VPS26B: variants seen among roughly 807,000 people sequenced by gnomAD.
VPS26B encodes the protein vacuolar protein sorting-associated protein 26B.
In VPS26B, 10 loss-of-function variants were observed where a neutral mutation model predicts 33.3. The observed-to-expected ratio is 0.30, with a 90% CI of 0.19 to 0.51. The LOEUF is 0.51. Among genes scored for constraint, VPS26B ranks in the 20% least tolerant of loss-of-function variants. VPS26B has a pLI of 0.98. For missense variants in VPS26B, 317 were observed against 452.7 expected, an observed-to-expected ratio of 0.70 and a Z score of 2.72; for synonymous variants, 190 against 176.9, an observed-to-expected ratio of 1.07 and a Z score of -0.59.
In VPS26B at chr11:134,247,412, A is replaced by G. The variant is rs1184731907; in HGVS notation, c.*1822A>G. 6.6e-6 allele frequency: 1 copy of G among 152,168 alleles called. No homozygotes were observed. Among genetic ancestry groups the G allele is most frequent in the Non-Finnish European group, 1.5e-5 (1 of 68,040 alleles). 9.4% of individuals were successfully genotyped at this position (152,168 alleles called of 1,614,324 possible). On this transcript the variant is annotated 3_prime_UTR_variant, in exon 6 of 6. Transcript: ENST00000281187. ...GCCTCCCAACTGACAACACACGTTC[A>G]TTTTCCAACCTTCCTAACATCTTAA...
In VPS26B at chr11:134,236,899, A is replaced by G. The variant is rs567302589; in HGVS notation, c.380+1846A>G. 2.0e-4 allele frequency among the ~76,000 whole-genome samples: 31 copies of G among 152,366 alleles called. 1 individual carries two copies. The South Asian group carries it at 6.4e-3, about 32-fold the overall frequency. On this transcript the variant is annotated intron_variant, in intron 2 of 5. Transcript: ENST00000281187. ...GGAGACTGATGGTGATGTTTGCACA[A>G]TACGAATATCATTAATGCCACTGAA...
chr11:134,243,403 A>G (rs1938763430), intron 4 of VPS26B, 109 bp downstream of exon 4: 1 of 1,296,680 alleles, frequency 7.7e-7, no homozygotes, highest in African/African-American at 1.5e-5. Flanking sequence ...TGTCCTCTTA[A>G]CCTGTAACTT....
At chr11:134,228,273 A>T (rs1269271964) in intron 1 of VPS26B, among the ~76,000 whole-genome samples, 1 of 150,706 alleles carries the variant, frequency 6.6e-6, no homozygotes, top group Non-Finnish European at 1.5e-5. Flanking sequence ...GCACAGAGTG[A>T]CTTTTCTTAG....
intron 1 of VPS26B, 25 bp downstream of exon 1, chr11:134,225,370 C>T: frequency 1.2e-6 from 2 of 1,610,376 alleles, no homozygotes; most frequent in Non-Finnish European, 1.7e-6. Context: ...GGGACCCCCT[C>T]CCCCAGCGCC....
intron 1 of VPS26B, among the ~76,000 whole-genome samples, chr11:134,234,157 G>A (rs1938598201): frequency 6.6e-6 from 1 of 152,202 alleles, no homozygotes; most frequent in Non-Finnish European, 1.5e-5. Flanking sequence ...CCTGATTTCA[G>A]TGGAGGGAAT....
In VPS26B at chr11:134,225,172, A is replaced by T; in HGVS notation, c.50A>T (p.Asn17Ile). The T allele has an allele frequency of 1.2e-6, 2 of 1,614,028 alleles. No homozygotes were observed. The highest frequency in any genetic ancestry group is 1.7e-6 in the Non-Finnish European group (2 of 1,179,930). Residue 17 changes from asparagine (N) to isoleucine (I), a missense_variant, in exon 1 of 6, where the codon AAC (asparagine) becomes ATC (isoleucine). By Grantham distance (149) the Asn-to-Ile change is moderately radical. Coordinates refer to ENST00000281187, the MANE Select transcript of VPS26B (RefSeq NM_052875.5). ...GQSVEVEILL[N>I]DAESRKRAEH... Reference sequence around the variant, plus strand: ...AGCGTGGAGGTGGAAATCCTTCTGAACGATGCAGAGAGTAGGAAGCGGGCC... The same window carrying T: ...AGCGTGGAGGTGGAAATCCTTCTGATCGATGCAGAGAGTAGGAAGCGGGCC...
intron 1 of VPS26B, among the ~76,000 whole-genome samples, chr11:134,225,927 G>A (rs1028559693): frequency 1.3e-5 from 2 of 152,162 alleles, no homozygotes; most frequent in African/African-American, 2.4e-5. Flanking sequence ...TTTCCAGAAA[G>A]AAGACCCATA....
chr11:134,243,381 G>A, intron 4 of VPS26B, 87 bp downstream of exon 4: 1 of 1,452,836 alleles, frequency 6.9e-7, no homozygotes, highest in Non-Finnish European at 9.3e-7. Flanking sequence ...GGATTACACT[G>A]TCAAAATAAG....
chr11:134,244,232 T>A lies in VPS26B; in HGVS notation c.722-706T>A, dbSNP rs1938776027. The A allele has an allele frequency of 6.6e-6, 1 of 152,246 alleles. No individual in the cohort carries two copies. The highest frequency in any genetic ancestry group is 1.5e-5 in the Non-Finnish European group (1 of 68,046). The allele number at this position is 152,246 out of a possible 1,614,324, so 9.4% of individuals were successfully genotyped here. On this transcript the variant is annotated intron_variant, in intron 4 of 5. Transcript: ENST00000281187. The surrounding 1 kb of genome is among the most constrained non-coding windows in gnomAD (Gnocchi z 4.0). ...CTGAGAATGCATGTAAAAGAGCAGA[T>A]AATGATAAGATGGCTTATATTTAGC...
At chr11:134,225,449 T>C in intron 1 of VPS26B, 104 bp downstream of exon 1, 5 of 1,146,628 alleles carry the variant, frequency 4.4e-6, no homozygotes, top group Non-Finnish European at 6.4e-6. Flanking sequence ...CAGTCGCTTG[T>C]CAACTGCAGT....
intron 1 of VPS26B, among the ~76,000 whole-genome samples, chr11:134,232,443 T>C (rs1015705277): frequency 2.6e-5 from 4 of 152,258 alleles, no homozygotes; most frequent in African/African-American, 7.2e-5. Flanking sequence ...CTGCTGTGAC[T>C]GCACACTGGC....
chr11:134,238,761 A>C (rs1214294497), intron 2 of VPS26B, among the ~76,000 whole-genome samples: 1 of 151,742 alleles, frequency 6.6e-6, no homozygotes, highest in Non-Finnish European at 1.5e-5. Context: ...ACGCCCGGCT[A>C]ATTTTTTGTA....
Position 134,225,165 on chromosome 11 carries a change from C to G in VPS26B, c.43C>G (p.Leu15Val), listed in dbSNP as rs1166160486. The change falls in exon 1 of 6, where the codon CTT (leucine) becomes GTT (valine). Residue 15 changes from leucine (L) to valine (V), a missense_variant. By Grantham distance (32) the Leu-to-Val change is conservative (BLOSUM62 1). Coordinates refer to ENST00000281187, the MANE Select transcript of VPS26B (RefSeq NM_052875.5). ...CGGGCAGAGCGTGGAGGTGGAAATC[C>G]TTCTGAACGATGCAGAGAGTAGGAA... ...GFGQSVEVEI[L>V]LNDAESRKRA... 6.2e-7 allele frequency: 1 copy of G among 1,613,928 alleles called. No individual in the cohort carries two copies. Among genetic ancestry groups the G allele is most frequent in the African/African-American group, 1.3e-5 (1 of 75,066 alleles).
intron 1 of VPS26B, 38 bp from the exon 2 acceptor site, chr11:134,234,859 C>G (rs1352998510): frequency 6.2e-7 from 1 of 1,602,436 alleles, no homozygotes; most frequent in South Asian, 1.1e-5. Context: ...AGCTCAGGGT[C>G]TGATAAAGGA....
chr11:134,225,105 G>T lies in VPS26B; in HGVS notation c.-18G>T. ...GAGGGAGCGGTCCTTACCGAGACCCGCCCGGCCCGGCGGTGCGATGAGCTT... is the reference window on the plus strand; with the variant it reads ...GAGGGAGCGGTCCTTACCGAGACCCTCCCGGCCCGGCGGTGCGATGAGCTT... On this transcript the variant is annotated 5_prime_UTR_variant, in exon 1 of 6. Coordinates refer to ENST00000281187, the MANE Select transcript of VPS26B (RefSeq NM_052875.5). 1 of 1,585,196 alleles carries T rather than the reference G, an allele frequency of 6.3e-7. No individual in the cohort carries two copies.
intron 1 of VPS26B, among the ~76,000 whole-genome samples, chr11:134,227,878 C>T (rs1938501811): frequency 6.6e-6 from 1 of 152,222 alleles, no homozygotes; most frequent in South Asian, 2.1e-4. Flanking sequence ...GCTTGCTGCT[C>T]TTCCTCCTGT....
chr11:134,240,217 T>C lies in VPS26B; in HGVS notation c.545+62T>C. 4 of 1,574,468 alleles carry C rather than the reference T, an allele frequency of 2.5e-6. No individual in the cohort carries two copies. The highest frequency in any genetic ancestry group is 1.1e-5 in the South Asian group (1 of 89,562). ...TTAAGGAGGTTAAGATGGGACTTGATGCAGATGCAAACTGATGACCCTCTG... is the reference window on the plus strand; with the variant it reads ...TTAAGGAGGTTAAGATGGGACTTGACGCAGATGCAAACTGATGACCCTCTG... On this transcript the variant is annotated intron_variant, in intron 3 of 5. Coordinates refer to ENST00000281187, the MANE Select transcript of VPS26B (RefSeq NM_052875.5). This position sits in a 1 kb window ranked among gnomAD's most constrained non-coding sequence, Gnocchi z 4.4.
At chr11:134,239,875 C>T in intron 2 of VPS26B, 116 bp from the exon 3 acceptor site, 3 of 1,158,408 alleles carry the variant, frequency 2.6e-6, no homozygotes, top group Middle Eastern at 2.6e-4. Context: ...ATACAAAGCC[C>T]TCAAGGGTTA....
In VPS26B at chr11:134,245,755, G is replaced by C. The variant is rs548323399; in HGVS notation, c.*165G>C. On this transcript the variant is annotated 3_prime_UTR_variant, in exon 6 of 6. Transcript: ENST00000281187. This position sits in a 1 kb window ranked among gnomAD's most constrained non-coding sequence, Gnocchi z 4.7. ...AAATTCTTTTCTCTGGAGAACCCAA[G>C]GGGCTTGGGGTGGGAAGCAGTCTCT... The C allele has an allele frequency of 2.0e-6, 2 of 993,316 alleles. No homozygotes were observed. Among genetic ancestry groups the C allele is most frequent in the Non-Finnish European group, 2.9e-6 (2 of 697,530 alleles). 61.5% of individuals were successfully genotyped at this position (993,316 alleles called of 1,614,324 possible).
Sources: gnomAD v4.1 joint callset for allele counts (sites outside exome capture counted in the v4.1 genomes callset) on GRCh38, gnomAD v4.1.1 for gene constraint, Gnocchi (gnomAD v3.1) non-coding constraint, MANE v1.5 for transcripts, NCBI Gene and HGNC (gene_info 2026-07-23, HGNC 2026-07-21) for gene names.